The following RBM44 variants were observed in gnomAD, a reference collection of about 807,000 sequenced individuals.
The protein encoded by RBM44 is RNA binding motif protein 44.
RBM44 carries 66 observed loss-of-function variants against 105.1 expected under a neutral mutation model. The observed-to-expected ratio is 0.63, with a 90% CI of 0.52 to 0.77. RBM44 has a LOEUF of 0.77. Ranked by LOEUF, RBM44 falls within the 30% of genes least tolerant of loss-of-function variation. RBM44 has a pLI of 0.00. For synonymous variants in RBM44, 365 were observed against 417.6 expected (o/e 0.87, Z 1.54); for missense variants, 1,122 against 1,207.8 (o/e 0.93, Z 1.05).
intron 15 of RBM44, among the ~76,000 whole-genome samples, chr2:237,838,105 C>G (rs1327885005): frequency 6.6e-6 from 1 of 152,152 alleles, no homozygotes; most frequent in Non-Finnish European, 1.5e-5. Flanking sequence ...GCCACAGCCA[C>G]TCCAGCCTTC....
At chr2:237,801,756 T>G (rs2061548621) in intron 1 of RBM44, among the ~76,000 whole-genome samples, 1 of 152,252 alleles carries the variant, frequency 6.6e-6, no homozygotes, top group African/African-American at 2.4e-5. Context: ...TCTCTGCTTC[T>G]TCTTAGCCTG....
intron 4 of RBM44, among the ~76,000 whole-genome samples, chr2:237,819,325 A>C (rs2061757704): frequency 6.6e-6 from 1 of 152,090 alleles, no homozygotes; most frequent in Non-Finnish European, 1.5e-5. Flanking sequence ...CTTTCACAGG[A>C]GCATTTTAAT....
intron 13 of RBM44, 31 bp from the exon 14 acceptor site, chr2:237,833,966 T>C: frequency 7.2e-7 from 1 of 1,396,044 alleles, no homozygotes; most frequent in Non-Finnish European, 9.6e-7. Flanking sequence ...TCCTTACTGA[T>C]TTTAAGAAAA....
rs769769357 is a variant in RBM44 at position 237,829,407 on chromosome 2, C to T, written c.2791C>T (p.Gln931Ter). ...SNNLEKSTNK[Q>*]IHSEFSISRL... ...TAATTTAGAGAAAAGCACCAACAAA[C>T]AAATCCACTCAGAATTCTCCATTTC... is the stretch of plus-strand genomic sequence containing the variant. The change falls in exon 13 of 16, where the codon CAA becomes TAA. Residue 931 changes from glutamine to a stop codon, truncating the protein, a stop_gained. Transcript: ENST00000316997. LOFTEE classifies it high-confidence loss of function. 6.2e-7 allele frequency: 1 copy of T among 1,613,682 alleles called. No homozygotes were observed. Among genetic ancestry groups the T allele is most frequent in the East Asian group, 2.2e-5 (1 of 44,878 alleles).
In RBM44 at chr2:237,829,230, GC is replaced by G; in HGVS notation, c.2615del (p.Ala872ValfsTer10). On this transcript the variant is annotated frameshift_variant, in exon 13 of 16. Coordinates refer to ENST00000316997, the MANE Select transcript of RBM44 (RefSeq NM_001080504.3). LOFTEE classifies it high-confidence loss of function. The part of the protein sequence containing the change: ...DSTNYRYASL[A>X]FTKNSDAKIA... ...CTTATGTTTTAGATATGCATCTCTT[GC>G]TTTTACAAAAAACAGCGATGCAAAG... The G allele has an allele frequency of 6.2e-7, 1 of 1,608,890 alleles. No individual in the cohort carries two copies. The highest frequency in any genetic ancestry group is 8.5e-7 in the Non-Finnish European group (1 of 1,177,440).
chr2:237,813,748 A>C (rs367641548), intron 2 of RBM44, 66 bp downstream of exon 2: 2 of 1,067,612 alleles, frequency 1.9e-6, no homozygotes, highest in Non-Finnish European at 2.9e-6. Context: ...TGTGCCAGAC[A>C]GTTTGCCCTT....
chr2:237,826,746 C>T (rs1477898380), intron 10 of RBM44, among the ~76,000 whole-genome samples: 2 of 152,086 alleles, frequency 1.3e-5, no homozygotes, highest in Non-Finnish European at 2.9e-5. Context: ...TAAACATATA[C>T]AGACTTTTTG....
rs1016139291 is a variant in RBM44 at position 237,842,371 on chromosome 2, A to G, written c.*555A>G. ...GCTTTCAGGCTTCCAAGATAATTAA[A>G]TTACTGTCATGATACATTTCATGCA... On this transcript the variant is annotated 3_prime_UTR_variant, in exon 16 of 16. Coordinates refer to ENST00000316997, the MANE Select transcript of RBM44 (RefSeq NM_001080504.3). 1 of 152,166 alleles carries G rather than the reference A, an allele frequency of 6.6e-6. No individual in the cohort carries two copies. The highest frequency in any genetic ancestry group is 1.5e-5 in the Non-Finnish European group (1 of 67,980). 9.4% of individuals were successfully genotyped at this position (152,166 alleles called of 1,614,324 possible). A position where few individuals can be genotyped will look rare whatever the true frequency, so the allele number is the denominator to read the frequency against.
chr2:237,838,903 G>C (rs971973568), intron 15 of RBM44, among the ~76,000 whole-genome samples: 1 of 152,188 alleles, frequency 6.6e-6, no homozygotes, highest in Non-Finnish European at 1.5e-5. Flanking sequence ...TAAAGACTCA[G>C]TGCCCAAGGA....
At chr2:237,826,588 A>T (rs930619774) in intron 10 of RBM44, among the ~76,000 whole-genome samples, 5 of 152,144 alleles carry the variant, frequency 3.3e-5, no homozygotes, top group African/African-American at 1.2e-4. Context: ...AATGTGCATA[A>T]TGAGAGCTCT....
rs764640625 is a variant in RBM44, at chr2:237,817,135, C to T, written c.216C>T (p.Asp72=). Residue 72 remains aspartate, a synonymous_variant, in exon 3 of 16, where the codon GAC becomes GAT. Transcript: ENST00000316997. The part of the protein sequence containing the change: ...RANNKEISNI[D]KMDLLEPFFS... Reference sequence around the variant, plus strand: ...ATAATAAAGAAATCAGCAATATTGACAAAATGGATTTATTAGAGCCATTTT... The same window carrying T: ...ATAATAAAGAAATCAGCAATATTGATAAAATGGATTTATTAGAGCCATTTT... 1 of 1,608,614 alleles carries T rather than the reference C, an allele frequency of 6.2e-7. No homozygotes were observed. The highest frequency in any genetic ancestry group is 1.7e-5 in the Admixed American group (1 of 58,494).
At chr2:237,806,588 A>G (rs1459189827) in intron 1 of RBM44, among the ~76,000 whole-genome samples, 2 of 152,206 alleles carry the variant, frequency 1.3e-5, no homozygotes, top group Non-Finnish European at 2.9e-5. Flanking sequence ...GACTTCAAGC[A>G]AAGCAGAGGT....
chr2:237,800,240 T>G (rs2061531837), intron 1 of RBM44, among the ~76,000 whole-genome samples: 1 of 152,238 alleles, frequency 6.6e-6, no homozygotes, highest in Non-Finnish European at 1.5e-5. Flanking sequence ...AAATTGAGCA[T>G]ATTTTCATGT....
At chr2:237,820,407 T>C in intron 5 of RBM44, 56 bp downstream of exon 5, 1 of 1,081,530 alleles carries the variant, frequency 9.2e-7, no homozygotes, top group East Asian at 2.7e-5. Flanking sequence ...AGCTTTAAGT[T>C]TATTCTAGAG....
Position 237,821,757 on chromosome 2 carries a change from A to T in RBM44, c.2135A>T (p.Asp712Val), listed in dbSNP as rs1490624619. 34 of 1,610,102 alleles carry T rather than the reference A, an allele frequency of 2.1e-5. No individual in the cohort carries two copies. Among genetic ancestry groups the T allele is most frequent in the Non-Finnish European group, 2.9e-5 (34 of 1,177,236 alleles). The change falls in exon 8 of 16, where the codon GAT becomes GTT. Residue 712 changes from aspartate to valine, a missense_variant. This residue lies in a region of RBM44 where 918 missense variants were observed against 955.3 expected (regional missense o/e 0.96). Coordinates refer to ENST00000316997, the MANE Select transcript of RBM44 (RefSeq NM_001080504.3). The stretch of plus-strand genomic sequence containing the variant: ...GTTCTTTTTAGCTTTTCAGAAGCAG[A>T]TGCTGAACAAGATAATCAGAGGGCT... ...KKETHVFSEADAEQDNQRAHD... is the reference protein window; with the variant it reads ...KKETHVFSEAVAEQDNQRAHD...
intron 10 of RBM44, 63 bp downstream of exon 10, chr2:237,824,482 T>A (rs1301191580): frequency 1.5e-6 from 2 of 1,366,044 alleles, no homozygotes. Context: ...AGTGCTTACC[T>A]GCTTCTGTGT....
Position 237,841,535 on chromosome 2 carries a change from G to A in RBM44, c.*23-304G>A, listed in dbSNP as rs926870424. Among the ~76,000 whole-genome samples the A allele has an allele frequency of 6.6e-5, 10 of 152,100 alleles. No individual in the cohort carries two copies. Among genetic ancestry groups the A allele is most frequent in the South Asian group, 4.2e-4 (2 of 4,808 alleles). On this transcript the variant is annotated intron_variant, in intron 15 of 15. Coordinates refer to ENST00000316997, the MANE Select transcript of RBM44 (RefSeq NM_001080504.3). This position sits in a 1 kb window ranked among gnomAD's most constrained non-coding sequence, Gnocchi z 4.5. The stretch of plus-strand genomic sequence containing the variant: ...CTGCAACATGTAATTTATCTATATC[G>A]ATATAACGAACCTGCACATATGCCC...
chr2:237,823,667 GCAT>G (rs1294416273), intron 9 of RBM44, 113 bp downstream of exon 9: 3 of 576,644 alleles, frequency 5.2e-6, no homozygotes, highest in South Asian at 2.4e-5. Flanking sequence ...TGATGGAAAG[GCAT>G]CATTCTGATT....
At chr2:237,811,624 A>G (rs1228094524) in intron 1 of RBM44, among the ~76,000 whole-genome samples, 2 of 151,420 alleles carry the variant, frequency 1.3e-5, no homozygotes, top group African/African-American at 2.4e-5. Context: ...TGTATCTTTG[A>G]TGGCCTTTTC....
Sources: allele counts gnomAD v4.1 joint callset (sites outside exome capture counted in the v4.1 genomes callset), GRCh38; gene constraint gnomAD v4.1.1; regional missense constraint gnomAD v4.1.1; non-coding constraint Gnocchi (gnomAD v3.1); transcripts MANE v1.5; gene names NCBI Gene and HGNC (gene_info 2026-07-23, HGNC 2026-07-21).